Variants in SAMD8 observed in about 807,000 individuals in gnomAD.
The protein encoded by SAMD8 is sphingomyelin synthase-related protein 1.
SAMD8 carries 20 observed loss-of-function variants against 42.0 expected under a neutral mutation model. The ratio of observed to expected loss-of-function variants is 0.48; its 90% CI spans 0.34 to 0.69. The LOEUF (loss-of-function observed/expected upper bound fraction) is 0.69, where lower values mean the gene tolerates loss of function less well. Among genes scored for constraint, SAMD8 ranks in the 30% least tolerant of loss-of-function variants. SAMD8 has a pLI of 0.01. For missense variants in SAMD8, 328 were observed against 511.6 expected (o/e 0.64, Z 3.46); for synonymous variants, 162 against 173.0 (o/e 0.94, Z 0.50).
chr10:75,112,862 A>G (rs1422025034), intron 1 of SAMD8, among the ~76,000 whole-genome samples: 3 of 152,190 alleles, frequency 2.0e-5, no homozygotes, highest in Non-Finnish European at 2.9e-5. Flanking sequence ...TATTTGCCAC[A>G]TAGTAAATGT....
chr10:75,148,346 C>CTTTTTTTTTTTTTTTTTTTTTTTT lies in SAMD8; in HGVS notation c.-15-2166_-15-2143dup, dbSNP rs60024591. Reference sequence around the variant, plus strand: ...GGGAAAGAATGCAGAGCAATACCAGCTTTTTTTTTTTTTTTTTTTTTTTTT... The same window carrying CTTTTTTTTTTTTTTTTTTTTTTTT: ...GGGAAAGAATGCAGAGCAATACCAGCTTTTTTTTTTTTTTTTTTTTTTTTTTTTTTTTTTTTTTTTTTTTTTTTT... On this transcript the variant is annotated intron_variant, in intron 1 of 5. Coordinates refer to ENST00000542569, the MANE Select transcript of SAMD8 (RefSeq NM_001174156.2). 2.2e-4 allele frequency among the ~76,000 whole-genome samples: 18 copies of CTTTTTTTTTTTTTTTTTTTTTTTT among 82,560 alleles called. 4 individuals are homozygous for CTTTTTTTTTTTTTTTTTTTTTTTT. Among genetic ancestry groups the CTTTTTTTTTTTTTTTTTTTTTTTT allele is most frequent in the African/African-American group, 8.5e-4 (13 of 15,314 alleles). The allele number at this position is 82,560 out of a possible 152,430, so 54.2% of individuals were successfully genotyped here.
At chr10:75,129,957 A>C (rs1254851443) in intron 1 of SAMD8, among the ~76,000 whole-genome samples, 1 of 152,212 alleles carries the variant, frequency 6.6e-6, no homozygotes, top group Admixed American at 6.5e-5. Context: ...AGTGTAATAC[A>C]TGAACCTAAA....
Position 75,148,274 on chromosome 10 carries a change from C to T in SAMD8, c.-15-2240C>T, listed in dbSNP as rs574909876. Among the ~76,000 whole-genome samples, 3 of 150,864 alleles carry T rather than the reference C, an allele frequency of 2.0e-5. No individual in the cohort carries two copies. In the East Asian group the frequency reaches 5.9e-4, roughly 30 times the overall value. On this transcript the variant is annotated intron_variant, in intron 1 of 5. Coordinates refer to ENST00000542569, the MANE Select transcript of SAMD8 (RefSeq NM_001174156.2). The stretch of plus-strand genomic sequence containing the variant: ...TGGTGCTCATGTAGTTAGTGTCTGC[C>T]TTTGCCAAGTTACTGTAAGTCTTCG...
At chr10:75,158,852 T>A (rs1185394921) in intron 2 of SAMD8, among the ~76,000 whole-genome samples, 1 of 152,152 alleles carries the variant, frequency 6.6e-6, no homozygotes, top group Non-Finnish European at 1.5e-5. Flanking sequence ...CAGCATAATA[T>A]TTTCAAGATT....
At chr10:75,168,890 C>T (rs756190087) in intron 4 of SAMD8, among the ~76,000 whole-genome samples, 1 of 151,830 alleles carries the variant, frequency 6.6e-6, no homozygotes, top group Non-Finnish European at 1.5e-5. Flanking sequence ...AAGTTTCTTT[C>T]GGCCGGGCGC....
At chr10:75,167,011 G>T (rs1840699125) in intron 3 of SAMD8, among the ~76,000 whole-genome samples, 1 of 152,158 alleles carries the variant, frequency 6.6e-6, no homozygotes, top group Non-Finnish European at 1.5e-5. Context: ...CTTTCTCTGA[G>T]GGTGGGAGGA....
rs180866277 is a variant in SAMD8, at chr10:75,168,809, G to C, written c.792+151G>C. 358 of 588,482 alleles carry C rather than the reference G, an allele frequency of 6.1e-4. 1 individual carries two copies. In the African/African-American group the frequency reaches 6.1e-3, roughly 10 times the overall value. The allele number at this position is 588,482 out of a possible 1,614,324, so 36.5% of individuals were successfully genotyped here. ...AAACTATAGAAATAATTTGGTAAAAGTCTTAAGCCAGATTCTACCTCTCTC... is the reference window on the plus strand; with the variant it reads ...AAACTATAGAAATAATTTGGTAAAACTCTTAAGCCAGATTCTACCTCTCTC... On this transcript the variant is annotated intron_variant, in intron 4 of 5. Transcript: ENST00000542569.
At chr10:75,146,428 G>C (rs1840137481) in intron 1 of SAMD8, among the ~76,000 whole-genome samples, 1 of 151,886 alleles carries the variant, frequency 6.6e-6, no homozygotes, top group Admixed American at 6.6e-5. Context: ...GGGATTACAG[G>C]CATCTGCCAC....
chr10:75,167,995 C>T (rs1840731564), intron 3 of SAMD8, among the ~76,000 whole-genome samples: 1 of 152,032 alleles, frequency 6.6e-6, no homozygotes, highest in African/African-American at 2.4e-5. Context: ...TTTCTTTTAG[C>T]CATATTTTCT....
intron 2 of SAMD8, among the ~76,000 whole-genome samples, chr10:75,154,389 A>G (rs942496069): frequency 7.9e-5 from 12 of 152,206 alleles, no homozygotes; most frequent in Admixed American, 1.3e-4. Context: ...GTAAGGAAGA[A>G]ATCATGTGGC....
chr10:75,176,005 T>C lies in SAMD8; in HGVS notation c.793-61T>C. The C allele has an allele frequency of 6.4e-7, 1 of 1,563,264 alleles. No homozygotes were observed. Among genetic ancestry groups the C allele is most frequent in the Non-Finnish European group, 8.6e-7 (1 of 1,156,568 alleles). On this transcript the variant is annotated intron_variant, in intron 4 of 5. Transcript: ENST00000542569. The surrounding 1 kb of genome is among the most constrained non-coding windows in gnomAD (Gnocchi z 4.3). ...GCATTTGAATTTCAATAGGAATGGA[T>C]GTTGGGAAGTTCCCACCTCCCTAAG...
intron 1 of SAMD8, among the ~76,000 whole-genome samples, chr10:75,131,974 A>C (rs1849284085): frequency 1.3e-5 from 2 of 152,246 alleles, no homozygotes; most frequent in African/African-American, 4.8e-5. Flanking sequence ...AGGCATGGAC[A>C]TTGATACAAA....
rs142527779 is a variant in SAMD8 at position 75,159,160 on chromosome 10, C to T, written c.579-5485C>T. ...CGCAACCTCCATCTCCTGGGTCAAA[C>T]GGTGCTCATGCCTCAGCCTCCTGAG... On this transcript the variant is annotated intron_variant, in intron 2 of 5. Transcript: ENST00000542569. Among the ~76,000 whole-genome samples the T allele has an allele frequency of 5.0e-3, 749 of 149,642 alleles. 2 individuals carry two copies. The highest frequency in any genetic ancestry group is 0.018 in the African/African-American group (708 of 40,372).
chr10:75,165,538 C>T (rs1490499787), intron 3 of SAMD8, among the ~76,000 whole-genome samples: 4 of 151,468 alleles, frequency 2.6e-5, no homozygotes, highest in African/African-American at 9.7e-5. Context: ...GGCATGGTGG[C>T]GGGTGCCTGT....
chr10:75,169,879 A>C (rs1840806379), intron 4 of SAMD8, among the ~76,000 whole-genome samples: 1 of 152,236 alleles, frequency 6.6e-6, no homozygotes, highest in Non-Finnish European at 1.5e-5. Context: ...ATTGTACTCC[A>C]GCCTGGGCAA....
intron 4 of SAMD8, among the ~76,000 whole-genome samples, chr10:75,175,611 C>T (rs765481313): frequency 3.0e-4 from 45 of 152,010 alleles, no homozygotes; most frequent in Non-Finnish European, 6.0e-4. Context: ...TACAGTGGCG[C>T]GATCTCGGCT....
Position 75,150,878 on chromosome 10 carries a change from A to C in SAMD8, c.350A>C (p.His117Pro). The C allele has an allele frequency of 6.2e-7, 1 of 1,613,226 alleles. No individual in the cohort carries two copies. The highest frequency in any genetic ancestry group is 8.5e-7 in the Non-Finnish European group (1 of 1,179,518). The part of the protein sequence containing the change: ...TDWLCNGELS[H>P]DCDGPITDLN... ...TGGCTCTGTAATGGGGAGCTTTCCC[A>C]TGACTGTGACGGACCCATAACTGAC... Residue 117 changes from histidine (H) to proline (P), a missense_variant, in exon 2 of 6, where the codon CAT (histidine) becomes CCT (proline). Coordinates refer to ENST00000542569, the MANE Select transcript of SAMD8 (RefSeq NM_001174156.2).
chr10:75,139,105 C>T (rs1839959676), intron 1 of SAMD8, among the ~76,000 whole-genome samples: 1 of 151,866 alleles, frequency 6.6e-6, no homozygotes, highest in Non-Finnish European at 1.5e-5. Flanking sequence ...GAATTACAGG[C>T]ATGCACCACC....
intron 1 of SAMD8, among the ~76,000 whole-genome samples, chr10:75,142,342 T>C (rs993217881): frequency 3.3e-5 from 5 of 152,204 alleles, no homozygotes; most frequent in African/African-American, 9.6e-5. Flanking sequence ...TTAGCTGATA[T>C]TAGTGGATTT....
Sources: gnomAD v4.1 joint callset for allele counts (sites outside exome capture counted in the v4.1 genomes callset) on GRCh38, gnomAD v4.1.1 for gene constraint, Gnocchi (gnomAD v3.1) non-coding constraint, MANE v1.5 for transcripts, NCBI Gene and HGNC (gene_info 2026-07-23, HGNC 2026-07-21) for gene names.